Variants in CCBE1 observed in about 807,000 individuals in gnomAD.
CCBE1 encodes collagen and calcium binding EGF domains 1, also known as collagen and calcium-binding EGF domain-containing protein 1.
A neutral mutation model predicts 50.0 loss-of-function variants in CCBE1; 37 were observed. That is an observed-to-expected ratio of 0.74 (90% CI 0.57 to 0.97). The LOEUF (loss-of-function observed/expected upper bound fraction) is 0.97. CCBE1 is among the 50% of genes least tolerant of loss of function. The probability of loss-of-function intolerance (pLI) is 0.00; values close to 1 mark genes in which losing one functional copy is unlikely to be tolerated. For missense variants in CCBE1, 538 were observed against 523.8 expected, an observed-to-expected ratio of 1.03 and a Z score of -0.26; for synonymous variants, 234 against 203.7, an observed-to-expected ratio of 1.15 and a Z score of -1.27.
chr18:59,622,783 CAG>C (rs1319376870), intron 2 of CCBE1, among the ~76,000 whole-genome samples: 2 of 134,930 alleles, frequency 1.5e-5, no homozygotes, highest in African/African-American at 2.8e-5. Flanking sequence ...GCCTGGGTGA[CAG>C]AGAGAGATTC....
intron 2 of CCBE1, among the ~76,000 whole-genome samples, chr18:59,630,688 C>T (rs1253556030): frequency 6.6e-6 from 1 of 152,180 alleles, no homozygotes; most frequent in African/African-American, 2.4e-5. Context: ...CAGGTTGAAC[C>T]TCCTAAGTGG....
intron 2 of CCBE1, among the ~76,000 whole-genome samples, chr18:59,625,914 CCG>C (rs2053777743): frequency 6.6e-6 from 1 of 152,196 alleles, no homozygotes; most frequent in Admixed American, 6.5e-5. Context: ...CTCTCAGACA[CCG>C]CACCTGCCCA....
chr18:59,669,652 G>A (rs570388338), intron 2 of CCBE1, among the ~76,000 whole-genome samples: 372 of 152,190 alleles, frequency 2.4e-3, no homozygotes, highest in Non-Finnish European at 3.1e-3. Context: ...GAACACCCGC[G>A]GTGCCCTTGT....
intron 2 of CCBE1, among the ~76,000 whole-genome samples, chr18:59,495,892 C>G (rs1192239697): frequency 6.6e-6 from 1 of 152,138 alleles, no homozygotes. Context: ...GAGTAGATCA[C>G]ACGCTGGTCA....
At chr18:59,617,403 C>T (rs1481085787) in intron 2 of CCBE1, among the ~76,000 whole-genome samples, 2 of 152,210 alleles carry the variant, frequency 1.3e-5, no homozygotes, top group African/African-American at 4.8e-5. Context: ...ATCCATCAGC[C>T]CAGCCTACGG....
At chr18:59,573,312 T>TATATA (rs1392749747) in intron 2 of CCBE1, among the ~76,000 whole-genome samples, 15 of 141,544 alleles carry the variant, frequency 1.1e-4, no homozygotes, top group Non-Finnish European at 2.2e-4. Context: ...TGTATGTATG[T>TATATA]GATAGGCCTC....
At chr18:59,574,734 T>A (rs78699051) in intron 2 of CCBE1, among the ~76,000 whole-genome samples, 8,763 of 152,274 alleles carry the variant, frequency 0.058, 698 homozygotes, top group African/African-American at 0.18. Flanking sequence ...TCTTGTGGCA[T>A]CCATGTGTTT....
chr18:59,445,522 A>G (rs1285680347), intron 7 of CCBE1, among the ~76,000 whole-genome samples: 2 of 152,244 alleles, frequency 1.3e-5, no homozygotes, highest in Non-Finnish European at 2.9e-5. Flanking sequence ...AGATGGAATG[A>G]CAGTCAGACT....
chr18:59,468,716 CA>C (rs1488667126), intron 4 of CCBE1, among the ~76,000 whole-genome samples: 1 of 152,178 alleles, frequency 6.6e-6, no homozygotes, highest in Non-Finnish European at 1.5e-5. Flanking sequence ...TCTGGCAGTT[CA>C]TCCTCCAGTT....
intron 2 of CCBE1, among the ~76,000 whole-genome samples, chr18:59,549,439 C>A (rs1342019107): frequency 6.6e-6 from 1 of 152,166 alleles, no homozygotes; most frequent in Non-Finnish European, 1.5e-5. Flanking sequence ...TCCCCCAACG[C>A]CAACCGAATT....
intron 2 of CCBE1, among the ~76,000 whole-genome samples, chr18:59,583,690 CGCGCGCGCGCGTGTGT>C (rs2053127645): frequency 7.5e-6 from 1 of 133,306 alleles, no homozygotes; most frequent in South Asian, 2.3e-4. Flanking sequence ...TGCGCGCGCG[CGCGCGCGCGCGTGTGT>C]GTGTATGTCT....
chr18:59,439,443 G>C (rs544855289), intron 9 of CCBE1, 100 bp downstream of exon 9: 2 of 1,421,024 alleles, frequency 1.4e-6, no homozygotes, highest in Non-Finnish European at 2.0e-6. Flanking sequence ...CTCCAGCCTG[G>C]GTGACAGAGC....
chr18:59,648,243 C>T (rs1026083674), intron 2 of CCBE1, among the ~76,000 whole-genome samples: 4 of 152,180 alleles, frequency 2.6e-5, no homozygotes, highest in African/African-American at 9.7e-5. Flanking sequence ...CTTTTTCCCT[C>T]CATTTAATGG....
intron 2 of CCBE1, among the ~76,000 whole-genome samples, chr18:59,667,458 G>A (rs1314485019): frequency 6.6e-6 from 1 of 152,118 alleles, no homozygotes; most frequent in Admixed American, 6.5e-5. Context: ...AAGCACTGAG[G>A]GGCTGGCAAC....
chr18:59,445,239 C>A (rs558490891), intron 7 of CCBE1, among the ~76,000 whole-genome samples: 1 of 152,264 alleles, frequency 6.6e-6, no homozygotes, highest in African/African-American at 2.4e-5. Flanking sequence ...AAGGGTCCAA[C>A]CTCATTCTTC....
At chr18:59,664,006 A>G (rs1382368658) in intron 2 of CCBE1, among the ~76,000 whole-genome samples, 1 of 152,188 alleles carries the variant, frequency 6.6e-6, no homozygotes, top group African/African-American at 2.4e-5. Flanking sequence ...ACAACATACC[A>G]TGAACTGGGT....
intron 7 of CCBE1, among the ~76,000 whole-genome samples, chr18:59,443,728 C>T (rs1910547562): frequency 6.6e-6 from 1 of 152,144 alleles, no homozygotes; most frequent in Admixed American, 6.5e-5. Context: ...CTCAGCCTCC[C>T]CAAAGTGCTG....
intron 3 of CCBE1, among the ~76,000 whole-genome samples, chr18:59,473,340 A>G (rs1912128061): frequency 6.6e-6 from 1 of 152,194 alleles, no homozygotes; most frequent in South Asian, 2.1e-4. Flanking sequence ...AAGTCCTGTG[A>G]GATTCAAACT....
chr18:59,629,295 T>C (rs1023392235), intron 2 of CCBE1, among the ~76,000 whole-genome samples: 2 of 152,236 alleles, frequency 1.3e-5, no homozygotes, highest in Non-Finnish European at 2.9e-5. Flanking sequence ...CATCTCTTTC[T>C]GGTCTTTGCT....
Sources: allele counts gnomAD v4.1 joint callset (sites outside exome capture counted in the v4.1 genomes callset), GRCh38; gene constraint gnomAD v4.1.1; transcripts MANE v1.5; gene names NCBI Gene and HGNC (gene_info 2026-07-23, HGNC 2026-07-21).